The following CADPS2 variants were observed in gnomAD, a reference collection of about 807,000 sequenced individuals.
CADPS2 encodes the protein calcium dependent secretion activator 2.
In CADPS2, 93 loss-of-function variants were observed where a neutral mutation model predicts 172.5. That is an observed-to-expected ratio of 0.54 (90% CI 0.46 to 0.64). CADPS2 has a LOEUF of 0.64. CADPS2 is among the 30% of genes least tolerant of loss of function. The probability of loss-of-function intolerance (pLI) is 0.00; values close to 1 mark genes in which losing one functional copy is unlikely to be tolerated. For synonymous variants in CADPS2, 546 were observed against 555.2 expected (o/e 0.98, Z 0.23); for missense variants, 1,420 against 1,565.9 (o/e 0.91, Z 1.57).
chr7:122,854,131 G>T (rs535672963), intron 1 of CADPS2, among the ~76,000 whole-genome samples: 2 of 152,242 alleles, frequency 1.3e-5, no homozygotes, highest in African/African-American at 4.8e-5. Flanking sequence ...AGGCTGAGGC[G>T]GGTGGATAAC....
chr7:122,883,514 G>A (rs1823509778), intron 1 of CADPS2, among the ~76,000 whole-genome samples: 1 of 152,156 alleles, frequency 6.6e-6, no homozygotes, highest in Non-Finnish European at 1.5e-5. Flanking sequence ...CAATTACCTT[G>A]TTACTTCTTT....
chr7:122,855,129 T>A (rs1396404580), intron 1 of CADPS2, among the ~76,000 whole-genome samples: 1 of 152,180 alleles, frequency 6.6e-6, no homozygotes, highest in Non-Finnish European at 1.5e-5. Flanking sequence ...AGAACACTGA[T>A]GGGACAAAAA....
chr7:122,606,585 T>C (rs1306740396), intron 6 of CADPS2, among the ~76,000 whole-genome samples: 1 of 152,078 alleles, frequency 6.6e-6, no homozygotes, highest in Non-Finnish European at 1.5e-5. Context: ...GGTAGGAGAA[T>C]GAGGACTGGA....
intron 3 of CADPS2, among the ~76,000 whole-genome samples, chr7:122,639,266 TA>T: frequency 6.6e-6 from 1 of 152,224 alleles, no homozygotes; most frequent in Non-Finnish European, 1.5e-5. Flanking sequence ...TTGAGTTTTT[TA>T]AATTTATTTT....
At chr7:122,757,878 G>T (rs2093229033) in intron 1 of CADPS2, among the ~76,000 whole-genome samples, 1 of 151,714 alleles carries the variant, frequency 6.6e-6, no homozygotes, top group Non-Finnish European at 1.5e-5. Context: ...AATTAGTATG[G>T]ATGTTTTTCT....
chr7:122,480,916 T>C (rs554450709), intron 11 of CADPS2, 56 bp from the exon 12 acceptor site: 225 of 1,304,254 alleles, frequency 1.7e-4, no homozygotes, highest in Admixed American at 1.4e-3. Context: ...TTGGGAACTA[T>C]ATACTTATAC....
chr7:122,853,302 C>T (rs1814209728), intron 1 of CADPS2, among the ~76,000 whole-genome samples: 1 of 152,338 alleles, frequency 6.6e-6, no homozygotes, highest in South Asian at 2.1e-4. Context: ...GCCACATCCT[C>T]CATTATTCCA....
At chr7:122,448,617 G>A (rs2052622280) in intron 15 of CADPS2, among the ~76,000 whole-genome samples, 1 of 152,120 alleles carries the variant, frequency 6.6e-6, no homozygotes, top group Admixed American at 6.6e-5. Flanking sequence ...GTTTTTGGGT[G>A]GTAGTGTGGG....
At chr7:122,373,394 G>A (rs892031544) in intron 25 of CADPS2, among the ~76,000 whole-genome samples, 1 of 152,214 alleles carries the variant, frequency 6.6e-6, no homozygotes, top group East Asian at 1.9e-4. Flanking sequence ...ACAGTTCTCA[G>A]GTAATTTTTT....
chr7:122,710,049 T>TAAA (rs34082235), intron 2 of CADPS2, among the ~76,000 whole-genome samples: 202 of 93,512 alleles, frequency 2.2e-3, no homozygotes, highest in African/African-American at 6.9e-3. Context: ...TAAAGTATAA[T>TAAA]AAAAAAAAAA....
At chr7:122,552,162 A>G (rs1461620556) in intron 8 of CADPS2, among the ~76,000 whole-genome samples, 2 of 152,184 alleles carry the variant, frequency 1.3e-5, no homozygotes, top group Non-Finnish European at 2.9e-5. Context: ...TAATATTAGT[A>G]TTAAAATATT....
At chr7:122,363,209 C>G (rs1049764229) in intron 25 of CADPS2, among the ~76,000 whole-genome samples, 1 of 152,210 alleles carries the variant, frequency 6.6e-6, no homozygotes, top group Non-Finnish European at 1.5e-5. Flanking sequence ...GAATTCCAAA[C>G]TTAATGGCCC....
chr7:122,802,420 G>T (rs558361757), intron 1 of CADPS2, among the ~76,000 whole-genome samples: 1 of 152,088 alleles, frequency 6.6e-6, no homozygotes, highest in African/African-American at 2.4e-5. Context: ...TTCGGTAATC[G>T]CTGGTCAGTC....
chr7:122,717,147 C>T (rs547956510), intron 2 of CADPS2, among the ~76,000 whole-genome samples: 20 of 152,200 alleles, frequency 1.3e-4, no homozygotes, highest in Middle Eastern at 3.4e-3. Context: ...TATCCTACAG[C>T]TTATTTTCAA....
chr7:122,328,165 G>GCACA (rs2034271251), intron 28 of CADPS2, among the ~76,000 whole-genome samples: 1 of 91,614 alleles, frequency 1.1e-5, no homozygotes, highest in African/African-American at 4.1e-5. Flanking sequence ...ACACACGCAC[G>GCACA]CACACACCTT....
At chr7:122,433,612 A>G (rs980428637) in intron 17 of CADPS2, among the ~76,000 whole-genome samples, 1 of 152,156 alleles carries the variant, frequency 6.6e-6, no homozygotes, top group African/African-American at 2.4e-5. Context: ...CATGTTGGTC[A>G]GGCTGGTCTT....
intron 6 of CADPS2, among the ~76,000 whole-genome samples, chr7:122,610,749 T>C (rs914198460): frequency 2.6e-5 from 4 of 152,116 alleles, no homozygotes; most frequent in Non-Finnish European, 5.9e-5. Context: ...TTGAGATTAT[T>C]AGAGAAGTTG....
At chr7:122,875,662 T>C (rs1428803943) in intron 1 of CADPS2, among the ~76,000 whole-genome samples, 1 of 152,144 alleles carries the variant, frequency 6.6e-6, no homozygotes, top group Non-Finnish European at 1.5e-5. Context: ...ATTTTTCAAC[T>C]GCAATTTCTA....
At chr7:122,830,105 C>T (rs942130511) in intron 1 of CADPS2, among the ~76,000 whole-genome samples, 6 of 152,002 alleles carry the variant, frequency 3.9e-5, no homozygotes, top group African/African-American at 1.5e-4. Flanking sequence ...AACTGGCTTG[C>T]CCAAGGTGAC....
Sources: allele counts gnomAD v4.1 joint callset (sites outside exome capture counted in the v4.1 genomes callset), GRCh38; gene constraint gnomAD v4.1.1; transcripts MANE v1.5; gene names NCBI Gene and HGNC (gene_info 2026-07-23, HGNC 2026-07-21).